Variants in PTPRN2 observed in about 807,000 individuals in gnomAD.
PTPRN2 encodes the protein receptor-type tyrosine-protein phosphatase N2.
Under a neutral mutation model 118.8 loss-of-function variants are expected in PTPRN2, and 74 were observed. The ratio of observed to expected loss-of-function variants is 0.62; its 90% CI spans 0.52 to 0.76. PTPRN2 has a LOEUF of 0.76. PTPRN2 is among the 30% of genes least tolerant of loss of function. The pLI is 0.00. For missense variants in PTPRN2, 1,481 were observed against 1,394.4 expected (o/e 1.06, Z -0.99); for synonymous variants, 641 against 608.0 (o/e 1.05, Z -0.80).
rs376274464 is a variant in PTPRN2, at chr7:157,722,015, G to A, written c.1789-39078C>T. ...ACATGTGGTGCTCGGCCGCAAAAGC[G>A]CTTCAGTCTCGCCCCCCACCCCCGG... On this transcript the variant is annotated intron_variant, in intron 12 of 22. Coordinates refer to ENST00000389418, the MANE Select transcript of PTPRN2 (RefSeq NM_002847.5). Among the ~76,000 whole-genome samples, 51 of 152,316 alleles carry A rather than the reference G, an allele frequency of 3.3e-4. No individual in the cohort carries two copies. In the East Asian group the frequency reaches 8.5e-3, roughly 25 times the overall value.
intron 11 of PTPRN2, among the ~76,000 whole-genome samples, chr7:158,001,360 C>T (rs1805247270): frequency 6.6e-6 from 1 of 152,020 alleles, no homozygotes; most frequent in South Asian, 2.1e-4. Flanking sequence ...CTCACAGCAA[C>T]CCAGAGGTAG....
intron 2 of PTPRN2, among the ~76,000 whole-genome samples, chr7:158,366,612 C>A (rs979936817): frequency 7.1e-6 from 1 of 141,426 alleles, no homozygotes; most frequent in African/African-American, 2.6e-5. Flanking sequence ...CCCGGCAGCC[C>A]CTCCATCCAC....
In PTPRN2 at chr7:158,263,000, A is replaced by G. The variant is rs886386505; in HGVS notation, c.277+53819T>C. On this transcript the variant is annotated intron_variant, in intron 3 of 22. Transcript: ENST00000389418. ...ACACATACAGATTCACACACATTGC[A>G]CACACACATTCACACACAGTGCACA... 8.2e-5 allele frequency among the ~76,000 whole-genome samples: 12 copies of G among 146,822 alleles called. No individual in the cohort carries two copies. The East Asian group carries it at 1.8e-3, about 22-fold the overall frequency.
At chr7:158,413,485 T>A (rs1306564523) in intron 2 of PTPRN2, among the ~76,000 whole-genome samples, 5 of 152,376 alleles carry the variant, frequency 3.3e-5, no homozygotes. Context: ...ACTAGGAAAC[T>A]GGCCACTGTC....
chr7:158,488,955 G>A (rs1012850221), intron 2 of PTPRN2, among the ~76,000 whole-genome samples: 1 of 152,258 alleles, frequency 6.6e-6, no homozygotes, highest in African/African-American at 2.4e-5. Context: ...TCACCAGCAT[G>A]ACAGGCCCGG....
At chr7:158,008,994 A>G (rs1441976264) in intron 11 of PTPRN2, among the ~76,000 whole-genome samples, 3 of 151,954 alleles carry the variant, frequency 2.0e-5, no homozygotes, top group African/African-American at 7.3e-5. Flanking sequence ...TCCTGCCTCT[A>G]GCTCCCCGCA....
chr7:158,234,282 C>A (rs10266773), intron 3 of PTPRN2, among the ~76,000 whole-genome samples: 30,441 of 110,380 alleles, frequency 0.28, 3,646 homozygotes, highest in African/African-American at 0.37. Flanking sequence ...AAAAAAAAAA[C>A]AAACCTCTAA....
chr7:158,056,278 T>A (rs747508392), intron 11 of PTPRN2, among the ~76,000 whole-genome samples: 2 of 152,114 alleles, frequency 1.3e-5, no homozygotes, highest in African/African-American at 2.4e-5. Flanking sequence ...CATCACAGCA[T>A]GGCCACCAGG....
In PTPRN2 at chr7:158,517,306, G is replaced by T. The variant is rs1823643062; in HGVS notation, c.113-27521C>A. ...CAGCCTTGGAGGAGGCAGAGTGCGG[G>T]CAGCGCCCCCTCACAGAACCGCAGC... On this transcript the variant is annotated intron_variant, in intron 1 of 22. Coordinates refer to ENST00000389418, the MANE Select transcript of PTPRN2 (RefSeq NM_002847.5). This position sits in a 1 kb window ranked among gnomAD's most constrained non-coding sequence, Gnocchi z 5.3. Among the ~76,000 whole-genome samples the T allele has an allele frequency of 3.9e-5, 6 of 152,200 alleles. No individual in the cohort carries two copies. The South Asian group carries it at 1.2e-3, about 32-fold the overall frequency.
intron 4 of PTPRN2, among the ~76,000 whole-genome samples, chr7:158,200,150 G>T (rs1270914796): frequency 2.6e-5 from 4 of 152,150 alleles, no homozygotes. Flanking sequence ...GACCCAAGGG[G>T]CTTTGGAAAC....
chr7:158,160,680 C>T (rs964581885), intron 6 of PTPRN2, among the ~76,000 whole-genome samples: 8 of 152,172 alleles, frequency 5.3e-5, no homozygotes, highest in Admixed American at 3.3e-4. Flanking sequence ...ATTTCAGATG[C>T]CTGCAGTTAT....
chr7:158,404,411 G>A (rs1813190589), intron 2 of PTPRN2, among the ~76,000 whole-genome samples: 1 of 152,172 alleles, frequency 6.6e-6, no homozygotes, highest in Admixed American at 6.5e-5. Flanking sequence ...TGCTGCAGGG[G>A]CTGTGGACCC....
chr7:158,283,499 G>C (rs1799569479), intron 3 of PTPRN2, among the ~76,000 whole-genome samples: 1 of 152,222 alleles, frequency 6.6e-6, no homozygotes, highest in South Asian at 2.1e-4. Context: ...CGGGAGCTCT[G>C]ACTGGCCACG....
At chr7:157,579,995 A>G (rs1242263909) in intron 17 of PTPRN2, among the ~76,000 whole-genome samples, 2 of 152,244 alleles carry the variant, frequency 1.3e-5, no homozygotes, top group African/African-American at 2.4e-5. Flanking sequence ...ATAACCTCAG[A>G]ATACATCGCA....
intron 1 of PTPRN2, among the ~76,000 whole-genome samples, chr7:158,491,552 T>C (rs1821445339): frequency 6.6e-6 from 1 of 152,014 alleles, no homozygotes; most frequent in Non-Finnish European, 1.5e-5. Context: ...TGCAATGGAG[T>C]GATCTTGGCT....
intron 2 of PTPRN2, among the ~76,000 whole-genome samples, chr7:158,362,670 C>T (rs903214982): frequency 3.4e-5 from 5 of 147,082 alleles, no homozygotes; most frequent in East Asian, 2.0e-4. Flanking sequence ...ACTGGATGTG[C>T]GTATAAAACC....
intron 3 of PTPRN2, among the ~76,000 whole-genome samples, chr7:158,291,031 G>A (rs1204960485): frequency 6.6e-6 from 1 of 152,242 alleles, no homozygotes; most frequent in Non-Finnish European, 1.5e-5. Context: ...GAGGTCTGCT[G>A]AGCCAAGAGC....
chr7:157,650,889 C>G (rs1805609685), intron 14 of PTPRN2, among the ~76,000 whole-genome samples: 1 of 152,314 alleles, frequency 6.6e-6, no homozygotes, highest in East Asian at 1.9e-4. Flanking sequence ...TGGAGCCTGA[C>G]AAGATCAAAC....
At chr7:157,670,222 C>T (rs1264194403) in intron 13 of PTPRN2, among the ~76,000 whole-genome samples, 1 of 152,140 alleles carries the variant, frequency 6.6e-6, no homozygotes, top group Non-Finnish European at 1.5e-5. Context: ...AGGTGCTCCA[C>T]GTGAAGCACA....
Sources: gnomAD v4.1 joint callset for allele counts (sites outside exome capture counted in the v4.1 genomes callset) on GRCh38, gnomAD v4.1.1 for gene constraint, Gnocchi (gnomAD v3.1) non-coding constraint, MANE v1.5 for transcripts, NCBI Gene and HGNC (gene_info 2026-07-23, HGNC 2026-07-21) for gene names.